Variants in NCK1 observed in about 807,000 individuals in gnomAD.
NCK1 encodes the protein NCK adaptor protein 1.
NCK1 carries 19 observed loss-of-function variants against 36.6 expected under a neutral mutation model. That is an observed-to-expected ratio of 0.52 (90% CI 0.36 to 0.76). The LOEUF (loss-of-function observed/expected upper bound fraction) is 0.76. NCK1 is among the 30% of genes least tolerant of loss of function. NCK1 has a pLI of 0.00. For missense variants in NCK1, 358 were observed against 445.6 expected, an observed-to-expected ratio of 0.80 and a Z score of 1.77; for synonymous variants, 165 against 156.0, an observed-to-expected ratio of 1.06 and a Z score of -0.43.
intron 1 of NCK1, among the ~76,000 whole-genome samples, chr3:136,886,817 C>CTTTTTTTTTTTTTTTTTTT (rs35976394): frequency 7.3e-6 from 1 of 137,078 alleles, no homozygotes; most frequent in Non-Finnish European, 1.6e-5. Flanking sequence ...CATGATCAGT[C>CTTTTTTTTTTTTTTTTTTT]TTTTTTTTTT....
chr3:136,863,958 G>T (rs1353154765), intron 1 of NCK1, among the ~76,000 whole-genome samples: 2 of 151,746 alleles, frequency 1.3e-5, no homozygotes, highest in African/African-American at 2.4e-5. Context: ...AAAAGTAGCC[G>T]GGCGTGGTGG....
intron 1 of NCK1, among the ~76,000 whole-genome samples, chr3:136,900,300 G>A (rs1287174913): frequency 6.6e-6 from 1 of 152,100 alleles, no homozygotes; most frequent in Non-Finnish European, 1.5e-5. Flanking sequence ...ATTAGTCTAT[G>A]TGTCTGTCTT....
chr3:136,885,969 A>T (rs1243626689), intron 1 of NCK1, among the ~76,000 whole-genome samples: 1 of 152,238 alleles, frequency 6.6e-6, no homozygotes, highest in Non-Finnish European at 1.5e-5. Flanking sequence ...GAACGTGTAC[A>T]AAAGCAGCAG....
chr3:136,916,245 A>G (rs572264652), intron 1 of NCK1, among the ~76,000 whole-genome samples: 1 of 152,324 alleles, frequency 6.6e-6, no homozygotes, highest in South Asian at 2.1e-4. Flanking sequence ...TTTTGTGATT[A>G]AAAATGACAT....
chr3:136,940,256 T>G (rs1016059774), intron 2 of NCK1, among the ~76,000 whole-genome samples: 1 of 152,188 alleles, frequency 6.6e-6, no homozygotes, highest in African/African-American at 2.4e-5. Flanking sequence ...CTGCTTTTGT[T>G]TGATGGGATA....
chr3:136,889,807 G>A (rs12633073), intron 1 of NCK1, among the ~76,000 whole-genome samples: 104,278 of 152,048 alleles, frequency 0.69, 36,030 homozygotes, highest in East Asian at 0.87. Flanking sequence ...TGAGCTAGAC[G>A]CAGGGTGCTG....
In NCK1 at chr3:136,948,383, A is replaced by G. The variant is rs777018926; in HGVS notation, c.1064A>G (p.His355Arg). 6.2e-7 allele frequency: 1 copy of G among 1,613,278 alleles called. No homozygotes were observed. The highest frequency in any genetic ancestry group is 1.1e-5 in the South Asian group (1 of 91,006). The change falls in exon 4 of 4, where the codon CAT becomes CGT. Residue 355 changes from histidine (H) to arginine (R), a missense_variant. His to Arg is a conservative substitution (Grantham distance 29, BLOSUM62 0). This residue lies in a region of NCK1 where 207 missense variants were observed against 253.4 expected (regional missense o/e 0.82). Transcript: ENST00000481752. Reference sequence around the variant, plus strand: ...AGCACCATGGAAGAACTTGTAGAACATTACAAAAAGGCACCAATTTTTACA... The same window carrying G: ...AGCACCATGGAAGAACTTGTAGAACGTTACAAAAAGGCACCAATTTTTACA... ...KFSTMEELVE[H>R]YKKAPIFTSE...
chr3:136,923,216 C>G (rs2108124344), intron 1 of NCK1, among the ~76,000 whole-genome samples: 1 of 151,850 alleles, frequency 6.6e-6, no homozygotes, highest in Non-Finnish European at 1.5e-5. Flanking sequence ...TGAATACTTT[C>G]CTTAAATTAT....
intron 2 of NCK1, among the ~76,000 whole-genome samples, chr3:136,937,216 C>CT (rs1236561012): frequency 8.5e-5 from 13 of 152,134 alleles, no homozygotes; most frequent in Admixed American, 8.5e-4. Context: ...GTTGAAGAAA[C>CT]TATTCTTTCT....
At chr3:136,918,763 A>C (rs1373031330) in intron 1 of NCK1, among the ~76,000 whole-genome samples, 1 of 152,198 alleles carries the variant, frequency 6.6e-6, no homozygotes, top group Non-Finnish European at 1.5e-5. Context: ...TGGCCCAGGA[A>C]AGCCAAAAGA....
rs908262524 is a variant in NCK1, at chr3:136,890,637, T to G, written c.-19+28284T>G. Among the ~76,000 whole-genome samples the G allele has an allele frequency of 2.0e-5, 3 of 152,234 alleles. No individual in the cohort carries two copies. In the East Asian group the frequency reaches 5.8e-4, roughly 29 times the overall value. ...ATACCACATTTTATGCATTCATCAGTTTACAGGCATTTGAGTTTTTTCTCC... is the reference window on the plus strand; with the variant it reads ...ATACCACATTTTATGCATTCATCAGGTTACAGGCATTTGAGTTTTTTCTCC... On this transcript the variant is annotated intron_variant, in intron 1 of 3. Transcript: ENST00000481752.
At chr3:136,875,128 G>A (rs1258082242) in intron 1 of NCK1, among the ~76,000 whole-genome samples, 2 of 152,086 alleles carry the variant, frequency 1.3e-5, no homozygotes, top group Admixed American at 6.6e-5. Context: ...ATTGACAGAT[G>A]TATTAGTCTT....
chr3:136,890,265 CGG>C, intron 1 of NCK1, among the ~76,000 whole-genome samples: 1 of 152,058 alleles, frequency 6.6e-6, no homozygotes, highest in Non-Finnish European at 1.5e-5. Flanking sequence ...ACTGTCCGGC[CGG>C]CAGGGCCGGC....
chr3:136,886,571 T>G (rs1270259350), intron 1 of NCK1, among the ~76,000 whole-genome samples: 2 of 152,116 alleles, frequency 1.3e-5, no homozygotes, highest in African/African-American at 4.8e-5. Flanking sequence ...AATCCACGGC[T>G]GGTTGAATTC....
Position 136,950,724 on chromosome 3 carries a change from A to G in NCK1, c.*2271A>G, listed in dbSNP as rs1940951435. Among the ~76,000 whole-genome samples, 1 of 152,124 alleles carries G rather than the reference A, an allele frequency of 6.6e-6. No individual in the cohort carries two copies. Among genetic ancestry groups the G allele is most frequent in the Non-Finnish European group, 1.5e-5 (1 of 67,982 alleles). On this transcript the variant is annotated 3_prime_UTR_variant, in exon 4 of 4. Coordinates refer to ENST00000481752, the MANE Select transcript of NCK1 (RefSeq NM_001291999.2). ...TGTATCGTGACACACTACTCTGTGT[A>G]TGCTTGGTTTTAGACTAGGAGGAGA... is the stretch of plus-strand genomic sequence containing the variant.
intron 1 of NCK1, among the ~76,000 whole-genome samples, chr3:136,907,418 G>T (rs2108107386): frequency 6.6e-6 from 1 of 152,284 alleles, no homozygotes; most frequent in South Asian, 2.1e-4. Context: ...CTTAGCGTGA[G>T]CTCTCTCTGG....
Position 136,867,053 on chromosome 3 carries a change from TTTC to T in NCK1, c.-19+4703_-19+4705del, listed in dbSNP as rs1560028288. Among the ~76,000 whole-genome samples the T allele has an allele frequency of 5.7e-4, 56 of 98,676 alleles. 1 individual carries two copies. The highest frequency in any genetic ancestry group is 1.7e-3 in the African/African-American group (45 of 26,356). 64.7% of individuals were successfully genotyped at this position (98,676 alleles called of 152,430 possible). On this transcript the variant is annotated intron_variant, in intron 1 of 3. Coordinates refer to ENST00000481752, the MANE Select transcript of NCK1 (RefSeq NM_001291999.2). The stretch of plus-strand genomic sequence containing the variant: ...CTGTTCCCTATGTTGCTTGCTTTTC[TTTC>T]TTTCTTTCTTTCTTTCTTTCTTTCT...
chr3:136,879,467 A>G lies in NCK1; in HGVS notation c.-19+17114A>G, dbSNP rs185799181. Among the ~76,000 whole-genome samples the G allele has an allele frequency of 2.0e-5, 3 of 152,304 alleles. No individual in the cohort carries two copies. In the East Asian group the frequency reaches 5.8e-4, roughly 29 times the overall value. On this transcript the variant is annotated intron_variant, in intron 1 of 3. Coordinates refer to ENST00000481752, the MANE Select transcript of NCK1 (RefSeq NM_001291999.2). ...AGACCACACCAATTACTGTAACAGA[A>G]TCTAAAATAAAGAGTTGTTTAGCCA...
At chr3:136,886,545 T>C (rs1939078589) in intron 1 of NCK1, among the ~76,000 whole-genome samples, 1 of 152,152 alleles carries the variant, frequency 6.6e-6, no homozygotes, top group Non-Finnish European at 1.5e-5. Context: ...TGCTTTTTTT[T>C]TTCCTGAATG....
Sources: allele counts gnomAD v4.1 joint callset (sites outside exome capture counted in the v4.1 genomes callset), GRCh38; gene constraint gnomAD v4.1.1; regional missense constraint gnomAD v4.1.1; transcripts MANE v1.5; gene names NCBI Gene and HGNC (gene_info 2026-07-23, HGNC 2026-07-21).